The following SLC17A3 variants were observed in gnomAD, a reference collection of about 807,000 sequenced individuals.
SLC17A3 encodes the protein sodium-dependent phosphate transport protein 4.
In SLC17A3, 61 loss-of-function variants were observed where a neutral mutation model predicts 60.3. The ratio of observed to expected loss-of-function variants is 1.01; its 90% confidence interval spans 0.82 to 1.25. The LOEUF (loss-of-function observed/expected upper bound fraction) is 1.25, where lower values mean the gene tolerates loss of function less well. Among genes scored for constraint, SLC17A3 ranks in the 50% most tolerant of loss-of-function variants. SLC17A3 has a pLI of 0.00. For missense variants in SLC17A3, 624 were observed against 594.9 expected (o/e 1.05, Z -0.51); for synonymous variants, 192 against 208.9 (o/e 0.92, Z 0.70).
rs772267761 is a variant in SLC17A3 at position 25,868,426 on chromosome 6, A to T, written c.-33-6T>A. Reference sequence around the variant, plus strand: ...TCCTAGTGAATGGTTTTCACCTATCAGGGAGATATGTAATTCACATGCATC... The same window carrying T: ...TCCTAGTGAATGGTTTTCACCTATCTGGGAGATATGTAATTCACATGCATC... On this transcript the variant is annotated splice_polypyrimidine_tract_variant and splice_region_variant and intron_variant, in intron 1 of 12. Coordinates refer to ENST00000397060, the MANE Select transcript of SLC17A3 (RefSeq NM_001098486.2). 19 of 1,512,018 alleles carry T rather than the reference A, an allele frequency of 1.3e-5. No individual in the cohort carries two copies. In the Admixed American group the frequency reaches 2.7e-4, roughly 21 times the overall value. The allele number at this position is 1,512,018 out of a possible 1,614,324, so 93.7% of individuals were successfully genotyped here.
intron 2 of SLC17A3, among the ~76,000 whole-genome samples, chr6:25,867,260 T>C (rs1252733320): frequency 6.6e-6 from 1 of 151,972 alleles, no homozygotes; most frequent in African/African-American, 2.4e-5. Flanking sequence ...TGCCTGAATT[T>C]CTGCAGTAAC....
At chr6:25,856,837 ACT>A (rs1765364752) in intron 5 of SLC17A3, among the ~76,000 whole-genome samples, 1 of 138,062 alleles carries the variant, frequency 7.2e-6, no homozygotes, top group Non-Finnish European at 1.6e-5. Context: ...ACAGAGTGAG[ACT>A]CTGTCTCAAA....
intron 7 of SLC17A3, 38 bp downstream of exon 7, chr6:25,850,721 A>G (rs1177824510): frequency 1.2e-6 from 2 of 1,604,176 alleles, no homozygotes; most frequent in Non-Finnish European, 1.7e-6. Context: ...AAATCCAGAT[A>G]CAAGGTCTCA....
chr6:25,849,218 A>C (rs1444223184), intron 11 of SLC17A3, among the ~76,000 whole-genome samples, 156 bp downstream of exon 11: 1 of 152,232 alleles, frequency 6.6e-6, no homozygotes, highest in African/African-American at 2.4e-5. Context: ...TTAGGTCACC[A>C]AAGAAATGAT....
rs3215770 is a variant in SLC17A3 at position 25,845,204 on chromosome 6, G to GA, written c.*96dup. 6.8e-4 allele frequency: 407 copies of GA among 600,826 alleles called. No homozygotes were observed. The highest frequency in any genetic ancestry group is 1.1e-3 in the South Asian group (51 of 44,420). The allele number at this position is 600,826 out of a possible 1,614,324, so 37.2% of individuals were successfully genotyped here. A position where few individuals can be genotyped will look rare whatever the true frequency, so the allele number is the denominator to read the frequency against. ...ATCTCATAATTGAAAAGAGCCACAG[G>GA]AAAAAAAAAATCTTTTCACTGGTAT... On this transcript the variant is annotated 3_prime_UTR_variant, in exon 13 of 13. Transcript: ENST00000397060.
Position 25,855,164 on chromosome 6 carries a change from G to A in SLC17A3, c.692C>T (p.Pro231Leu), listed in dbSNP as rs774432368. 6.2e-7 allele frequency: 1 copy of A among 1,612,644 alleles called. No homozygotes were observed. The highest frequency in any genetic ancestry group is 1.7e-5 in the Admixed American group (1 of 59,954). ...GGFISETLGW[P>L]FVFYIFGGVG... The stretch of plus-strand genomic sequence containing the variant: ...CTTACCAAAGATATAGAAGACAAAG[G>A]GCCACCCAAGGGTTTCACTAATGAA... Residue 231 changes from proline to leucine, a missense_variant, in exon 6 of 13, where the codon CCC (proline) becomes CTC (leucine). By Grantham distance (98) the Pro-to-Leu change is moderately conservative. Transcript: ENST00000397060.
At chr6:25,864,987 A>C (rs1046477506) in intron 2 of SLC17A3, among the ~76,000 whole-genome samples, 1 of 151,974 alleles carries the variant, frequency 6.6e-6, no homozygotes, top group Admixed American at 6.6e-5. Flanking sequence ...CCTGGAAGCC[A>C]AGGGGACAAG....
At chr6:25,862,201 A>G (rs1449373365) in intron 3 of SLC17A3, 32 bp downstream of exon 3, 15 of 1,581,720 alleles carry the variant, frequency 9.5e-6, no homozygotes, top group Non-Finnish European at 1.3e-5. Flanking sequence ...CAGCAAAAAG[A>G]AAAGCACAAA....
chr6:25,848,119 A>G (rs1765209067), intron 11 of SLC17A3, among the ~76,000 whole-genome samples: 1 of 152,196 alleles, frequency 6.6e-6, no homozygotes, highest in Admixed American at 6.5e-5. Context: ...ATATATATGT[A>G]TACCACAGTT....
intron 5 of SLC17A3, among the ~76,000 whole-genome samples, chr6:25,856,279 G>A (rs1006633085): frequency 1.9e-4 from 29 of 151,994 alleles, no homozygotes; most frequent in Admixed American, 4.6e-4. Flanking sequence ...CACTCAGGCT[G>A]GAGATTTATT....
chr6:25,850,419 C>A, intron 8 of SLC17A3, 40 bp downstream of exon 8: 1 of 1,598,998 alleles, frequency 6.3e-7, no homozygotes, highest in South Asian at 1.1e-5. Context: ...ATTGGTCAGC[C>A]ATGCAAGCAG....
At chr6:25,858,627 T>C (rs1765398261) in intron 5 of SLC17A3, among the ~76,000 whole-genome samples, 1 of 152,196 alleles carries the variant, frequency 6.6e-6, no homozygotes, top group Admixed American at 6.5e-5. Flanking sequence ...ATCTATGTTC[T>C]TTCTCTAGGT....
At chr6:25,860,532 G>C (rs1161180200) in intron 5 of SLC17A3, among the ~76,000 whole-genome samples, 2 of 152,164 alleles carry the variant, frequency 1.3e-5, no homozygotes, top group African/African-American at 4.8e-5. Context: ...GTGGCTTTCT[G>C]TTGGGTGTCT....
At chr6:25,873,329 CTATA>C (rs1421370340) in intron 1 of SLC17A3, among the ~76,000 whole-genome samples, 1 of 152,082 alleles carries the variant, frequency 6.6e-6, no homozygotes, top group Non-Finnish European at 1.5e-5. Flanking sequence ...GGGTCAGAAA[CTATA>C]TATTGCACTC....
chr6:25,851,378 C>T (rs1765274597), intron 6 of SLC17A3, among the ~76,000 whole-genome samples: 3 of 151,650 alleles, frequency 2.0e-5, no homozygotes, highest in Non-Finnish European at 4.4e-5. Context: ...CTAACAATGC[C>T]TTTTGATGAG....
intron 11 of SLC17A3, among the ~76,000 whole-genome samples, chr6:25,848,489 T>G (rs1765216287): frequency 6.6e-6 from 1 of 152,144 alleles, no homozygotes; most frequent in Non-Finnish European, 1.5e-5. Context: ...TTTTTGGACA[T>G]TTAGTAGGGA....
chr6:25,863,600 G>A (rs141830114), intron 2 of SLC17A3, among the ~76,000 whole-genome samples: 270 of 152,092 alleles, frequency 1.8e-3, no homozygotes, highest in Non-Finnish European at 3.1e-3. Flanking sequence ...GGAAGAAAAG[G>A]GACTTCAATC....
chr6:25,858,584 C>T (rs949664000), intron 5 of SLC17A3, among the ~76,000 whole-genome samples: 1 of 152,126 alleles, frequency 6.6e-6, no homozygotes, highest in Non-Finnish European at 1.5e-5. Flanking sequence ...TGGAAGTCCT[C>T]ACAGCTATTC....
chr6:25,870,875 G>T (rs2151528763), intron 1 of SLC17A3, among the ~76,000 whole-genome samples: 1 of 152,172 alleles, frequency 6.6e-6, no homozygotes, highest in South Asian at 2.1e-4. Flanking sequence ...TACCATATAT[G>T]TAATCCAGAA....
Sources: gnomAD v4.1 joint callset for allele counts (sites outside exome capture counted in the v4.1 genomes callset) on GRCh38, gnomAD v4.1.1 for gene constraint, MANE v1.5 for transcripts, NCBI Gene and HGNC (gene_info 2026-07-23, HGNC 2026-07-21) for gene names.